The following ETV6 variants were observed in gnomAD, a reference collection of about 807,000 sequenced individuals.
ETV6 encodes the protein ETS variant transcription factor 6.
Under a neutral mutation model 51.1 loss-of-function variants are expected in ETV6, and 16 were observed. The observed-to-expected ratio is 0.31, with a 90% CI of 0.21 to 0.48. The LOEUF is 0.48. ETV6 is among the 20% of genes least tolerant of loss of function. The pLI is 0.99. For synonymous variants in ETV6, 240 were observed against 224.1 expected (o/e 1.07, Z -0.64); for missense variants, 458 against 594.8 (o/e 0.77, Z 2.39).
chr12:11,792,875 T>G (rs1165072993), intron 2 of ETV6, among the ~76,000 whole-genome samples: 5 of 152,212 alleles, frequency 3.3e-5, no homozygotes, highest in African/African-American at 9.6e-5. Context: ...AAATGGTTAC[T>G]TTATTTGAGC....
intron 1 of ETV6, among the ~76,000 whole-genome samples, chr12:11,747,504 C>T (rs114720963): frequency 1.2e-3 from 181 of 152,146 alleles, no homozygotes; most frequent in African/African-American, 4.3e-3. Context: ...TCTTTCTAGC[C>T]GAGATGCTAG....
At chr12:11,878,737 C>A (rs1457631895) in intron 5 of ETV6, among the ~76,000 whole-genome samples, 1 of 151,402 alleles carries the variant, frequency 6.6e-6, no homozygotes, top group Admixed American at 6.6e-5. Flanking sequence ...TGTAAACACA[C>A]CTCTGCGTAT....
At chr12:11,654,822 G>A (rs1863970641) in intron 1 of ETV6, among the ~76,000 whole-genome samples, 1 of 152,132 alleles carries the variant, frequency 6.6e-6, no homozygotes, top group Non-Finnish European at 1.5e-5. Flanking sequence ...TCCTTGGGTG[G>A]GCCGTAGGCT....
At chr12:11,705,211 T>A (rs1489052307) in intron 1 of ETV6, among the ~76,000 whole-genome samples, 1 of 152,220 alleles carries the variant, frequency 6.6e-6, no homozygotes, top group African/African-American at 2.4e-5. Context: ...TAACGTCATC[T>A]AAAAAACAGG....
chr12:11,869,375 T>A lies in ETV6; in HGVS notation c.464-49T>A. ...CTGTAGAGCCGCAGGGAGTTTCCTGTCCTGCCAACTCACTGGGGTCTGTGA... is the reference window on the plus strand; with the variant it reads ...CTGTAGAGCCGCAGGGAGTTTCCTGACCTGCCAACTCACTGGGGTCTGTGA... On this transcript the variant is annotated intron_variant, in intron 4 of 7. Transcript: ENST00000396373. This position sits in a 1 kb window ranked among gnomAD's most constrained non-coding sequence, Gnocchi z 5.0. The A allele has an allele frequency of 6.5e-7, 1 of 1,539,192 alleles. No individual in the cohort carries two copies. The highest frequency in any genetic ancestry group is 8.8e-7 in the Non-Finnish European group (1 of 1,134,024).
At chr12:11,789,102 T>G (rs565437583) in intron 2 of ETV6, among the ~76,000 whole-genome samples, 30 of 152,272 alleles carry the variant, frequency 2.0e-4, no homozygotes, top group African/African-American at 6.7e-4. Flanking sequence ...GTGTGATCTC[T>G]GCTCACTGCA....
At chr12:11,846,230 TA>T (rs11426777) in intron 3 of ETV6, among the ~76,000 whole-genome samples, 119 of 147,360 alleles carry the variant, frequency 8.1e-4, no homozygotes, top group Middle Eastern at 3.5e-3. Context: ...ACTCTTACTT[TA>T]AAAAAAAAAA....
At chr12:11,886,092 TG>T (rs1420816680) in intron 7 of ETV6, 66 bp downstream of exon 7, 65 of 1,176,080 alleles carry the variant, frequency 5.5e-5, no homozygotes, top group Non-Finnish European at 8.0e-5. Flanking sequence ...TAACGGGGAG[TG>T]GGGGGAGACT....
At chr12:11,847,634 C>T (rs1428218196) in intron 3 of ETV6, among the ~76,000 whole-genome samples, 2 of 152,142 alleles carry the variant, frequency 1.3e-5, no homozygotes, top group African/African-American at 2.4e-5. Context: ...CAGGCAGTTC[C>T]CTGAGTACCA....
In ETV6 at chr12:11,892,048, A is replaced by T; in HGVS notation, c.*1002A>T. 1 of 233,856 alleles carries T rather than the reference A, an allele frequency of 4.3e-6. No homozygotes were observed. Among genetic ancestry groups the T allele is most frequent in the East Asian group, 6.0e-5 (1 of 16,606 alleles). The allele number at this position is 233,856 out of a possible 1,614,324, so 14.5% of individuals were successfully genotyped here. A position where few individuals can be genotyped will look rare whatever the true frequency, so the allele number is the denominator to read the frequency against. ...AGCGCAGCGCTGCAAAGTGGAAAAT[A>T]TGAAAAGACCACACAGGCCCAGCAG... On this transcript the variant is annotated 3_prime_UTR_variant, in exon 8 of 8. Coordinates refer to ENST00000396373, the MANE Select transcript of ETV6 (RefSeq NM_001987.5).
At chr12:11,743,763 G>A (rs992580099) in intron 1 of ETV6, among the ~76,000 whole-genome samples, 12 of 152,310 alleles carry the variant, frequency 7.9e-5, no homozygotes, top group African/African-American at 2.6e-4. Context: ...CTGAGTTGCA[G>A]CTCGCTGGGG....
rs145249163 is a variant in ETV6, at chr12:11,789,189, T to C, written c.163+36610T>C. On this transcript the variant is annotated intron_variant, in intron 2 of 7. Transcript: ENST00000396373. ...CTGGGATTACAGGCGCCAGCCACCA[T>C]GCCCAGCTAATTTCTTGTATTTTTA... is the stretch of plus-strand genomic sequence containing the variant. 9.1e-3 allele frequency among the ~76,000 whole-genome samples: 1,387 copies of C among 152,078 alleles called. 76 individuals are homozygous for C. Among genetic ancestry groups the C allele is most frequent in the Admixed American group, 0.081 (1,236 of 15,288 alleles).
chr12:11,824,827 C>G lies in ETV6; in HGVS notation c.164-14313C>G, dbSNP rs182512982. Among the ~76,000 whole-genome samples, 219 of 152,204 alleles carry G rather than the reference C, an allele frequency of 1.4e-3. 2 individuals carry two copies. The South Asian group carries it at 0.033, about 23-fold the overall frequency. ...CAGCAGAGACTTAGATGCAAGGTCT[C>G]CCAAAGGAAACAGAACCAGGAGATT... On this transcript the variant is annotated intron_variant, in intron 2 of 7. Transcript: ENST00000396373.
intron 1 of ETV6, among the ~76,000 whole-genome samples, chr12:11,678,575 A>C (rs2541115): frequency 0.77 from 116,818 of 152,126 alleles, 47,934 homozygotes; most frequent in East Asian, 0.95. Flanking sequence ...TCTGCTGTTC[A>C]TACAATTTCA....
chr12:11,749,855 C>T (rs956093059), intron 1 of ETV6, among the ~76,000 whole-genome samples: 1 of 152,178 alleles, frequency 6.6e-6, no homozygotes, highest in African/African-American at 2.4e-5. Flanking sequence ...GAAGAGTGCT[C>T]GGGGCCCTAG....
intron 1 of ETV6, among the ~76,000 whole-genome samples, chr12:11,725,367 T>G (rs1227734728): frequency 1.3e-5 from 2 of 152,186 alleles, no homozygotes; most frequent in Non-Finnish European, 2.9e-5. Context: ...GTTATTTGCT[T>G]TAATAAATTT....
chr12:11,811,993 C>T (rs992146044), intron 2 of ETV6, among the ~76,000 whole-genome samples: 7 of 152,330 alleles, frequency 4.6e-5, no homozygotes, highest in South Asian at 4.1e-4. Context: ...CTAAAAGCAT[C>T]GCTTTGCAAT....
chr12:11,886,084 A>G, intron 7 of ETV6, 58 bp downstream of exon 7: 1 of 1,265,708 alleles, frequency 7.9e-7, no homozygotes, highest in Non-Finnish European at 1.2e-6. Context: ...TCTTTAAATA[A>G]CGGGGAGTGG....
intron 2 of ETV6, among the ~76,000 whole-genome samples, chr12:11,789,105 T>G (rs532589174): frequency 1.3e-5 from 2 of 152,314 alleles, no homozygotes; most frequent in Non-Finnish European, 2.9e-5. Flanking sequence ...TGATCTCTGC[T>G]CACTGCAACC....
Sources: gnomAD v4.1 joint callset for allele counts (sites outside exome capture counted in the v4.1 genomes callset) on GRCh38, gnomAD v4.1.1 for gene constraint, Gnocchi (gnomAD v3.1) non-coding constraint, MANE v1.5 for transcripts, NCBI Gene and HGNC (gene_info 2026-07-23, HGNC 2026-07-21) for gene names.